CFAP221: variants seen among roughly 807,000 people sequenced by gnomAD.
CFAP221 encodes cilia and flagella associated protein 221.
Under a neutral mutation model 113.1 loss-of-function variants are expected in CFAP221, and 97 were observed. The ratio of observed to expected loss-of-function variants is 0.86; its 90% CI spans 0.73 to 1.02. The LOEUF (loss-of-function observed/expected upper bound fraction) is 1.02, where lower values mean the gene tolerates loss of function less well. Among genes scored for constraint, CFAP221 ranks in the 50% least tolerant of loss-of-function variants. The probability of loss-of-function intolerance (pLI) is 0.00; values close to 1 mark genes in which losing one functional copy is unlikely to be tolerated. For missense variants in CFAP221, 1,025 were observed against 1,013.4 expected, an observed-to-expected ratio of 1.01 and a Z score of -0.16; for synonymous variants, 331 against 354.4, an observed-to-expected ratio of 0.93 and a Z score of 0.74.
intron 21 of CFAP221, among the ~76,000 whole-genome samples, chr2:119,642,686 G>A (rs1384969330): frequency 2.0e-5 from 3 of 151,960 alleles, no homozygotes; most frequent in South Asian, 2.1e-4. Flanking sequence ...TTATAGGTGT[G>A]CATCATCATG....
chr2:119,580,205 A>G (rs558331352), intron 6 of CFAP221: 1 of 152,340 alleles, frequency 6.6e-6, no homozygotes, highest in African/African-American at 2.4e-5. Flanking sequence ...CACAGAGTGA[A>G]GATTGACTGC....
At chr2:119,600,258 C>G (rs1477220502) in intron 7 of CFAP221, among the ~76,000 whole-genome samples, 1 of 152,156 alleles carries the variant, frequency 6.6e-6, no homozygotes, top group Non-Finnish European at 1.5e-5. Context: ...ACCAGAGATA[C>G]AAAAGAGGAA....
rs1686654196 is a variant in CFAP221 at position 119,629,992 on chromosome 2, T to G, written c.1731+37T>G. On this transcript the variant is annotated intron_variant, in intron 17 of 23. Transcript: ENST00000413369. The stretch of plus-strand genomic sequence containing the variant: ...CACATAAATTAATTAATTGAGTTTC[T>G]TATTAAGTAAACAAAATATTCTTGA... 2.0e-6 allele frequency: 3 copies of G among 1,505,640 alleles called. No individual in the cohort carries two copies. In the African/African-American group the frequency reaches 4.2e-5, roughly 21 times the overall value. 93.3% of individuals were successfully genotyped at this position (1,505,640 alleles called of 1,614,324 possible).
chr2:119,639,846 C>A lies in CFAP221; in HGVS notation c.2199C>A (p.Asp733Glu). 6.2e-7 allele frequency: 1 copy of A among 1,614,116 alleles called. No homozygotes were observed. The highest frequency in any genetic ancestry group is 8.5e-7 in the Non-Finnish European group (1 of 1,179,968). The change falls in exon 21 of 24, where the codon GAC becomes GAA. Residue 733 changes from aspartate to glutamate, a missense_variant. Coordinates refer to ENST00000413369, the MANE Select transcript of CFAP221 (RefSeq NM_001271049.2). ...FQSLVLSSLPDPSKMETTKSC... is the reference protein window; with the variant it reads ...FQSLVLSSLPEPSKMETTKSC... ...CCCTGGTTCTCTCCTCCCTGCCGGA[C>A]CCCTCCAAGATGGAGACCACAAAGA...
chr2:119,654,668 C>G (rs1293798929), intron 23 of CFAP221, among the ~76,000 whole-genome samples: 2 of 152,120 alleles, frequency 1.3e-5, no homozygotes, highest in Non-Finnish European at 2.9e-5. Context: ...TAACAATGAA[C>G]TATAAACATT....
chr2:119,630,500 G>T, intron 17 of CFAP221, 70 bp from the exon 18 acceptor site: 1 of 1,177,072 alleles, frequency 8.5e-7, no homozygotes, highest in Non-Finnish European at 1.2e-6. Context: ...CGGAAATGCT[G>T]TTGTTGAGAA....
At chr2:119,624,010 T>C (rs1487157255) in intron 14 of CFAP221, among the ~76,000 whole-genome samples, 3 of 151,962 alleles carry the variant, frequency 2.0e-5, no homozygotes, top group African/African-American at 7.3e-5. Flanking sequence ...AAAGACAAAA[T>C]TGACAAATGG....
intron 6 of CFAP221, among the ~76,000 whole-genome samples, chr2:119,577,531 G>T (rs1353346112): frequency 6.6e-6 from 1 of 152,170 alleles, no homozygotes; most frequent in African/African-American, 2.4e-5. Flanking sequence ...CTACAAGAGG[G>T]GCTATAGTAC....
rs115140515 is a variant in CFAP221 at position 119,612,629 on chromosome 2, T to C, written c.1311+887T>C. ...CATGGCCAAACCATATCATTCTGCC[T>C]CTGGCCCCTCCCAAGTCTCATGTCC... On this transcript the variant is annotated intron_variant, in intron 13 of 23. Transcript: ENST00000413369. Among the ~76,000 whole-genome samples, 570 of 152,294 alleles carry C rather than the reference T, an allele frequency of 3.7e-3. 7 individuals are homozygous for C. The highest frequency in any genetic ancestry group is 0.013 in the African/African-American group (536 of 41,538).
At position 119,656,654 on chromosome 2, in the gene CFAP221, G is replaced by A. The variant is rs1688453715; in HGVS notation, c.*184G>A. The A allele has an allele frequency of 2.2e-6, 1 of 452,272 alleles. No homozygotes were observed. Among genetic ancestry groups the A allele is most frequent in the Admixed American group, 3.6e-5 (1 of 27,874 alleles). 28.0% of individuals were successfully genotyped at this position (452,272 alleles called of 1,614,324 possible). The stretch of plus-strand genomic sequence containing the variant: ...ATATTTAAAAATAAAATGGAGTTAG[G>A]ATGATGACAGCGTTGTTAGCTTCTT... On this transcript the variant is annotated 3_prime_UTR_variant, in exon 24 of 24. Transcript: ENST00000413369.
chr2:119,622,956 C>T (rs1223906409), intron 14 of CFAP221, among the ~76,000 whole-genome samples: 1 of 152,186 alleles, frequency 6.6e-6, no homozygotes, highest in East Asian at 1.9e-4. Flanking sequence ...TGAAAACTGG[C>T]ACAAGACAAG....
intron 6 of CFAP221, among the ~76,000 whole-genome samples, chr2:119,569,663 T>C (rs1235890438): frequency 6.6e-6 from 1 of 152,196 alleles, no homozygotes; most frequent in Non-Finnish European, 1.5e-5. Context: ...AGTTTTTGGA[T>C]ATTCTGTTTT....
At chr2:119,584,526 G>T (rs947924945) in intron 6 of CFAP221, among the ~76,000 whole-genome samples, 9 of 152,038 alleles carry the variant, frequency 5.9e-5, no homozygotes, top group African/African-American at 2.2e-4. Flanking sequence ...CATCAAGGCT[G>T]CAGTGAGCTA....
intron 6 of CFAP221, among the ~76,000 whole-genome samples, chr2:119,574,918 TAA>T (rs1682332749): frequency 6.6e-6 from 1 of 152,220 alleles, no homozygotes; most frequent in Non-Finnish European, 1.5e-5. Context: ...TATTTGAATT[TAA>T]GTTGCTTTGT....
intron 21 of CFAP221, among the ~76,000 whole-genome samples, chr2:119,646,532 C>G (rs1687819700): frequency 6.6e-6 from 1 of 152,170 alleles, no homozygotes; most frequent in Admixed American, 6.5e-5. Context: ...GGAGATGGTG[C>G]TAACCCATTC....
chr2:119,652,377 G>T (rs1398876634), intron 23 of CFAP221, among the ~76,000 whole-genome samples: 1 of 152,166 alleles, frequency 6.6e-6, no homozygotes. Context: ...ACTGGCTCTG[G>T]AGCCAGACCA....
intron 13 of CFAP221, among the ~76,000 whole-genome samples, chr2:119,612,985 A>G (rs1259013702): frequency 6.6e-6 from 1 of 152,220 alleles, no homozygotes; most frequent in Non-Finnish European, 1.5e-5. Flanking sequence ...GGGTAAATAT[A>G]CCCATTCCAA....
At chr2:119,617,398 A>C (rs1482831928) in intron 14 of CFAP221, among the ~76,000 whole-genome samples, 2 of 152,252 alleles carry the variant, frequency 1.3e-5, no homozygotes. Flanking sequence ...AGTGGTAAGA[A>C]GAGGCAGCAC....
Position 119,656,358 on chromosome 2 carries a change from T to C in CFAP221, c.2415-4T>C. ...GTTTCCTTCTTGGGTTTTTTGATAC[T>C]CAGAGAAGTGAAAGATCAAGCACAA... is the stretch of plus-strand genomic sequence containing the variant. On this transcript the variant is annotated splice_region_variant and splice_polypyrimidine_tract_variant and intron_variant, in intron 23 of 23. Transcript: ENST00000413369. 4 of 1,613,404 alleles carry C rather than the reference T, an allele frequency of 2.5e-6. No individual in the cohort carries two copies. The highest frequency in any genetic ancestry group is 3.4e-6 in the Non-Finnish European group (4 of 1,179,410).
Sources: allele counts gnomAD v4.1 joint callset (sites outside exome capture counted in the v4.1 genomes callset), GRCh38; gene constraint gnomAD v4.1.1; transcripts MANE v1.5; gene names NCBI Gene and HGNC (gene_info 2026-07-23, HGNC 2026-07-21).